The following LSAMP variants were observed in gnomAD, a reference collection of about 807,000 sequenced individuals.
LSAMP encodes the protein limbic system associated membrane protein, also known as limbic system-associated membrane protein.
Under a neutral mutation model 38.6 loss-of-function variants are expected in LSAMP, and 7 were observed. That is an observed-to-expected ratio of 0.18 (90% CI 0.10 to 0.34). The LOEUF (loss-of-function observed/expected upper bound fraction) is 0.34. LSAMP is among the 10% of genes least tolerant of loss of function. The pLI is 1.00. For synonymous variants in LSAMP, 154 were observed against 166.8 expected, an observed-to-expected ratio of 0.92 and a Z score of 0.59; for missense variants, 313 against 420.0, an observed-to-expected ratio of 0.75 and a Z score of 2.23.
intron 1 of LSAMP, among the ~76,000 whole-genome samples, chr3:116,276,459 G>T (rs760598310): frequency 6.6e-6 from 1 of 151,978 alleles, no homozygotes; most frequent in African/African-American, 2.4e-5. Context: ...TCACTGATAT[G>T]TGGGAGTTAA....
chr3:115,827,129 T>A (rs1354312602), intron 6 of LSAMP, among the ~76,000 whole-genome samples: 7 of 152,188 alleles, frequency 4.6e-5, no homozygotes. Context: ...GTTTGCTTTG[T>A]TTTGTTTCTA....
intron 1 of LSAMP, among the ~76,000 whole-genome samples, chr3:116,435,473 T>A (rs1048404515): frequency 2.7e-5 from 4 of 148,388 alleles, no homozygotes; most frequent in African/African-American, 1.0e-4. Flanking sequence ...GCTTTGTCCT[T>A]CTCTTGATAA....
At chr3:116,368,778 T>C (rs2048391926) in intron 1 of LSAMP, among the ~76,000 whole-genome samples, 2 of 152,358 alleles carry the variant, frequency 1.3e-5, no homozygotes, top group African/African-American at 4.8e-5. Flanking sequence ...AGATATGTTA[T>C]AATAGAGATC....
At chr3:116,021,372 C>A (rs193109278) in intron 2 of LSAMP, among the ~76,000 whole-genome samples, 1 of 152,096 alleles carries the variant, frequency 6.6e-6, no homozygotes, top group Admixed American at 6.6e-5. Flanking sequence ...ATGAGCCCAC[C>A]AAGAACTATG....
chr3:116,256,450 A>C (rs72947950), intron 1 of LSAMP, among the ~76,000 whole-genome samples: 2 of 152,216 alleles, frequency 1.3e-5, no homozygotes, highest in South Asian at 2.1e-4. Flanking sequence ...AGTGTTTTTC[A>C]TCTTTAACTT....
chr3:115,823,482 A>G (rs1288564652), intron 6 of LSAMP, among the ~76,000 whole-genome samples: 2 of 152,260 alleles, frequency 1.3e-5, no homozygotes, highest in East Asian at 1.9e-4. Flanking sequence ...ACATTTGTTT[A>G]TATTGCATTA....
chr3:116,116,141 G>A (rs1466495861), intron 1 of LSAMP, among the ~76,000 whole-genome samples: 7 of 138,040 alleles, frequency 5.1e-5, no homozygotes, highest in East Asian at 2.1e-4. Flanking sequence ...GCTCCATTTC[G>A]TGAGACATTT....
At chr3:116,170,130 A>C (rs150277897) in intron 1 of LSAMP, among the ~76,000 whole-genome samples, 8 of 151,048 alleles carry the variant, frequency 5.3e-5, no homozygotes, top group African/African-American at 2.0e-4. Flanking sequence ...GCTCTTCAAT[A>C]AGGCAATGTG....
chr3:115,941,472 C>T lies in LSAMP; in HGVS notation c.514+78043G>A, dbSNP rs187548212. On this transcript the variant is annotated intron_variant, in intron 3 of 6. Coordinates refer to ENST00000490035, the MANE Select transcript of LSAMP (RefSeq NM_002338.5). ...TATTACCTTGAAAAGTTATCTGTAC[C>T]GCCATGTTCACTGCAGCATTAACAA... 4.6e-3 allele frequency among the ~76,000 whole-genome samples: 696 copies of T among 152,078 alleles called. 4 individuals carry two copies. The highest frequency in any genetic ancestry group is 5.3e-3 in the Non-Finnish European group (363 of 67,980).
chr3:115,917,293 T>A (rs1937272654), intron 3 of LSAMP, among the ~76,000 whole-genome samples: 1 of 152,216 alleles, frequency 6.6e-6, no homozygotes, highest in Non-Finnish European at 1.5e-5. Context: ...CCTTTCCCTT[T>A]CTACCACTTT....
intron 3 of LSAMP, among the ~76,000 whole-genome samples, chr3:115,990,863 A>G (rs1939647002): frequency 6.6e-6 from 1 of 152,042 alleles, no homozygotes; most frequent in South Asian, 2.1e-4. Context: ...TTATCCTCAG[A>G]GGCTTTTATT....
intron 1 of LSAMP, among the ~76,000 whole-genome samples, chr3:116,278,968 T>C (rs376263392): frequency 3.0e-4 from 46 of 152,216 alleles, no homozygotes; most frequent in African/African-American, 1.1e-3. Context: ...AGAATACATA[T>C]GTAGCTTCAT....
rs758333466 is a variant in LSAMP at position 116,445,343 on chromosome 3, T to C, written c.-312A>G. ...GAAGCCAAAGGAAAGGGTTCTTGTTTGGTCTCTCTGTGACTGGATGCTCCT... is the reference window on the plus strand; with the variant it reads ...GAAGCCAAAGGAAAGGGTTCTTGTTCGGTCTCTCTGTGACTGGATGCTCCT... On this transcript the variant is annotated 5_prime_UTR_variant, in exon 1 of 7. Coordinates refer to ENST00000490035, the MANE Select transcript of LSAMP (RefSeq NM_002338.5). 1.8e-6 allele frequency: 1 copy of C among 554,894 alleles called. No homozygotes were observed. The highest frequency in any genetic ancestry group is 3.2e-6 in the Non-Finnish European group (1 of 316,456). 34.4% of individuals were successfully genotyped at this position (554,894 alleles called of 1,614,324 possible).
rs868685219 is a variant in LSAMP at position 116,274,041 on chromosome 3, T to C, written c.155+170836A>G. 5.4e-4 allele frequency among the ~76,000 whole-genome samples: 81 copies of C among 148,824 alleles called. No individual in the cohort carries two copies. The Middle Eastern group carries it at 0.014, about 25-fold the overall frequency. ...TTCTCCTCTGTGTTCTCATTAAATG[T>C]TACCTCTTCATTATAAATTATTTCA... On this transcript the variant is annotated intron_variant, in intron 1 of 6. Coordinates refer to ENST00000490035, the MANE Select transcript of LSAMP (RefSeq NM_002338.5).
At chr3:116,134,285 T>A (rs1322371800) in intron 1 of LSAMP, among the ~76,000 whole-genome samples, 3 of 152,150 alleles carry the variant, frequency 2.0e-5, no homozygotes, top group Non-Finnish European at 2.9e-5. Flanking sequence ...TCTCCACTGA[T>A]AAAGCCCTAG....
intron 3 of LSAMP, among the ~76,000 whole-genome samples, chr3:115,978,110 G>C (rs1342986548): frequency 1.3e-5 from 2 of 152,028 alleles, no homozygotes; most frequent in African/African-American, 4.8e-5. Flanking sequence ...CTGGACTCAA[G>C]TGATCCTTTC....
intron 2 of LSAMP, among the ~76,000 whole-genome samples, chr3:116,029,027 C>T (rs952553203): frequency 3.3e-5 from 5 of 152,136 alleles, no homozygotes; most frequent in Admixed American, 6.6e-5. Context: ...TTTTTAGAAA[C>T]TTAGCTGACT....
intron 1 of LSAMP, among the ~76,000 whole-genome samples, chr3:116,092,672 T>C (rs1708150257): frequency 1.3e-5 from 2 of 152,230 alleles, no homozygotes; most frequent in African/African-American, 4.8e-5. Context: ...AAGTCTATTA[T>C]GCAGACTTAT....
intron 1 of LSAMP, among the ~76,000 whole-genome samples, chr3:116,425,485 A>T (rs1255965777): frequency 6.6e-6 from 1 of 152,190 alleles, no homozygotes; most frequent in Non-Finnish European, 1.5e-5. Context: ...GCTAACAACT[A>T]GTTGTTTGAC....
Sources: gnomAD v4.1 joint callset for allele counts (sites outside exome capture counted in the v4.1 genomes callset) on GRCh38, gnomAD v4.1.1 for gene constraint, MANE v1.5 for transcripts, NCBI Gene and HGNC (gene_info 2026-07-23, HGNC 2026-07-21) for gene names.